The following GPHN variants were observed in gnomAD, a reference collection of about 807,000 sequenced individuals.
The protein encoded by GPHN is gephyrin.
In GPHN, 17 loss-of-function variants were observed where a neutral mutation model predicts 95.5. The ratio of observed to expected loss-of-function variants is 0.18; its 90% CI spans 0.12 to 0.27. The LOEUF (loss-of-function observed/expected upper bound fraction) is 0.27, where lower values mean the gene tolerates loss of function less well. GPHN is among the 10% of genes least tolerant of loss of function. The pLI is 1.00. For synonymous variants in GPHN, 320 were observed against 322.5 expected (o/e 0.99, Z 0.08); for missense variants, 660 against 978.1 (o/e 0.67, Z 4.34).
chr14:66,663,716 T>G (rs1439513072), intron 1 of GPHN, among the ~76,000 whole-genome samples: 2 of 152,068 alleles, frequency 1.3e-5, no homozygotes, highest in Admixed American at 6.5e-5. Context: ...CAAGACCCAA[T>G]GGTCTGCTGT....
the GPHN span, chr14:67,619,932 C>T: frequency 7.3e-7 from 1 of 1,363,444 alleles, no homozygotes; most frequent in Non-Finnish European, 9.9e-7. Flanking sequence ...TCCCGGCTTC[C>T]AACCGCGCGG....
chr14:67,460,165 C>CT, the GPHN span, among the ~76,000 whole-genome samples: 1 of 152,134 alleles, frequency 6.6e-6, no homozygotes, highest in Admixed American at 6.5e-5. Flanking sequence ...CCCCGCCTCC[C>CT]TTTTTTTGTA....
chr14:67,572,082 C>T, the GPHN span: 43 of 1,563,976 alleles, frequency 2.7e-5, no homozygotes, highest in Admixed American at 3.7e-5. Flanking sequence ...TCCTGGGCTG[C>T]GTGAGTCGGG....
At chr14:67,371,462 TAC>T in the GPHN span, among the ~76,000 whole-genome samples, 1 of 151,478 alleles carries the variant, frequency 6.6e-6, no homozygotes, top group Non-Finnish European at 1.5e-5. Context: ...ACTTTCGAAA[TAC>T]AGTCATGTGG....
chr14:67,646,575 C>T, the GPHN span: 19 of 1,273,640 alleles, frequency 1.5e-5, no homozygotes, highest in African/African-American at 1.5e-4. Flanking sequence ...TACCCACGGA[C>T]GCACATGATA....
chr14:67,621,323 G>T, the GPHN span, among the ~76,000 whole-genome samples: 1 of 152,000 alleles, frequency 6.6e-6, no homozygotes, highest in Non-Finnish European at 1.5e-5. Context: ...TATCAGTCTC[G>T]CCAGTTTTCT....
the GPHN span, among the ~76,000 whole-genome samples, chr14:67,544,408 C>T: frequency 1.3e-5 from 2 of 151,700 alleles, no homozygotes; most frequent in Admixed American, 6.6e-5. Context: ...GACACAAGAC[C>T]TCAATTCAGA....
chr14:67,259,982 T>G, the GPHN span, among the ~76,000 whole-genome samples: 1 of 152,214 alleles, frequency 6.6e-6, no homozygotes, highest in Non-Finnish European at 1.5e-5. Context: ...CTACCAGAAT[T>G]TATAGTTTTT....
chr14:67,129,838 GAGGA>G (rs377188375), intron 17 of GPHN, among the ~76,000 whole-genome samples: 7,402 of 148,450 alleles, frequency 0.05, 202 homozygotes, highest in Middle Eastern at 0.066. Context: ...GAGAGGGAGG[GAGGA>G]AGGAAGGAAG....
At chr14:66,676,858 T>C (rs2066625812) in intron 1 of GPHN, among the ~76,000 whole-genome samples, 1 of 151,990 alleles carries the variant, frequency 6.6e-6, no homozygotes, top group Non-Finnish European at 1.5e-5. Context: ...ATTTCCACCT[T>C]TTTAATTTTT....
the GPHN span, chr14:67,473,927 G>T: frequency 6.3e-7 from 1 of 1,594,734 alleles, no homozygotes; most frequent in Non-Finnish European, 8.5e-7. The surrounding 1 kb of genome is among the most constrained non-coding windows in gnomAD (Gnocchi z 6.5). Context: ...ACGCCATGGC[G>T]CCGACTGGGG....
the GPHN span, among the ~76,000 whole-genome samples, chr14:67,674,033 T>C: frequency 6.6e-6 from 1 of 152,212 alleles, no homozygotes; most frequent in Non-Finnish European, 1.5e-5. Context: ...TTGAGACTAG[T>C]GCTTTTAAAT....
intron 1 of GPHN, among the ~76,000 whole-genome samples, chr14:66,588,559 T>C (rs1214299807): frequency 6.6e-6 from 1 of 151,998 alleles, no homozygotes; most frequent in Non-Finnish European, 1.5e-5. Flanking sequence ...CTTATGGAGC[T>C]GAAAAACAGC....
At chr14:66,659,230 A>G (rs1262372227) in intron 1 of GPHN, among the ~76,000 whole-genome samples, 1 of 151,650 alleles carries the variant, frequency 6.6e-6, no homozygotes, top group Non-Finnish European at 1.5e-5. Flanking sequence ...TGGATTATTT[A>G]GAAGTCTCTT....
At chr14:67,369,592 ATAAAT>A in the GPHN span, among the ~76,000 whole-genome samples, 1 of 152,216 alleles carries the variant, frequency 6.6e-6, no homozygotes, top group Non-Finnish European at 1.5e-5. Flanking sequence ...ACAACTCTAA[ATAAAT>A]TTCTAAGGGT....
chr14:67,557,674 A>T, the GPHN span, among the ~76,000 whole-genome samples: 1 of 152,228 alleles, frequency 6.6e-6, no homozygotes, highest in Non-Finnish European at 1.5e-5. Context: ...CACCTCTAGC[A>T]CCTGCTGCCT....
chr14:66,972,393 A>G (rs972656358), intron 9 of GPHN, among the ~76,000 whole-genome samples: 5 of 152,020 alleles, frequency 3.3e-5, no homozygotes, highest in African/African-American at 1.2e-4. Flanking sequence ...ATGTATACCA[A>G]ACATCTAAGT....
At chr14:66,686,929 A>G (rs183717484) in intron 2 of GPHN, among the ~76,000 whole-genome samples, 16 of 152,276 alleles carry the variant, frequency 1.1e-4, no homozygotes, top group Middle Eastern at 6.8e-3. Context: ...CGTCCCATCA[A>G]TACCTAATTT....
chr14:67,219,867 C>T, the GPHN span, among the ~76,000 whole-genome samples: 1 of 152,126 alleles, frequency 6.6e-6, no homozygotes, highest in Non-Finnish European at 1.5e-5. Context: ...ATAAGTAATC[C>T]TCTTAAGCCC....
Sources: gnomAD v4.1 joint callset for allele counts (sites outside exome capture counted in the v4.1 genomes callset) on GRCh38, gnomAD v4.1.1 for gene constraint, Gnocchi (gnomAD v3.1) non-coding constraint, MANE v1.5 for transcripts, NCBI Gene and HGNC (gene_info 2026-07-23, HGNC 2026-07-21) for gene names.